FGF1: variants seen among roughly 807,000 people sequenced by gnomAD.
FGF1 encodes fibroblast growth factor 1.
In FGF1, 9 loss-of-function variants were observed where a neutral mutation model predicts 13.4. The ratio of observed to expected loss-of-function variants is 0.67; its 90% CI spans 0.40 to 1.17. The LOEUF (loss-of-function observed/expected upper bound fraction) is 1.17, where lower values mean the gene tolerates loss of function less well. Among genes scored for constraint, FGF1 ranks in the 50% most tolerant of loss-of-function variants. FGF1 has a pLI of 0.01. For missense variants in FGF1, 156 were observed against 192.7 expected, an observed-to-expected ratio of 0.81 and a Z score of 1.13; for synonymous variants, 93 against 79.0, an observed-to-expected ratio of 1.18 and a Z score of -0.94.
At chr5:142,629,968 A>G (rs1003584000) in intron 1 of FGF1, among the ~76,000 whole-genome samples, 1 of 148,356 alleles carries the variant, frequency 6.7e-6, no homozygotes, top group Admixed American at 6.8e-5. Context: ...ATCTCGGCTC[A>G]CTGTAAGCCC....
chr5:142,641,047 A>T (rs1765123484), intron 1 of FGF1, among the ~76,000 whole-genome samples: 1 of 152,042 alleles, frequency 6.6e-6, no homozygotes, highest in South Asian at 2.1e-4. Flanking sequence ...AAGAGTTTTG[A>T]TTGCAGGGAA....
At chr5:142,687,902 C>T (rs1751514956), upstream of FGF1, among the ~76,000 whole-genome samples, 1 of 152,154 alleles carries the variant, frequency 6.6e-6, no homozygotes. Flanking sequence ...GCTCCAGATT[C>T]CCCCCCTCCT....
intron 1 of FGF1, among the ~76,000 whole-genome samples, chr5:142,652,309 G>A (rs989437578): frequency 3.3e-5 from 5 of 152,160 alleles, no homozygotes; most frequent in East Asian, 3.8e-4. Context: ...TTGTAAGGTC[G>A]TAGTTCTTCT....
At chr5:142,677,262 T>C (rs1772792242) in intron 1 of FGF1, among the ~76,000 whole-genome samples, 1 of 152,176 alleles carries the variant, frequency 6.6e-6, no homozygotes, top group Non-Finnish European at 1.5e-5. Flanking sequence ...GCAAACTGCT[T>C]CCACTATTCC....
chr5:142,697,795 G>A (rs192690521), intron 1 of FGF1: 2 of 151,926 alleles, frequency 1.3e-5, no homozygotes, highest in African/African-American at 4.9e-5. Flanking sequence ...TGATTCCCCT[G>A]GAGCGAAGGC....
intron 1 of FGF1, among the ~76,000 whole-genome samples, chr5:142,665,282 C>T (rs1770081473): frequency 6.6e-6 from 1 of 152,108 alleles, no homozygotes; most frequent in Admixed American, 6.5e-5. Context: ...ACCCCTCACC[C>T]CTGCCCCTCG....
At chr5:142,669,633 G>A (rs1416247232) in intron 1 of FGF1, among the ~76,000 whole-genome samples, 1 of 151,990 alleles carries the variant, frequency 6.6e-6, no homozygotes, top group Admixed American at 6.6e-5. Context: ...CAGCCCATCT[G>A]GCAGGACGAC....
At position 142,612,800 on chromosome 5, in the gene FGF1, A is replaced by G. The variant is rs527887141; in HGVS notation, c.169+1159T>C. On this transcript the variant is annotated intron_variant, in intron 2 of 3. Coordinates refer to ENST00000337706, the MANE Select transcript of FGF1 (RefSeq NM_000800.5). ...TGCAGTGGGTGGGGAGGAAGGAACA[A>G]CGTCACCTCGTGTAAACGCCAGCAT... Among the ~76,000 whole-genome samples the G allele has an allele frequency of 1.3e-4, 20 of 152,186 alleles. No individual in the cohort carries two copies. In the South Asian group the frequency reaches 3.9e-3, roughly 30 times the overall value.
At chr5:142,637,936 G>A (rs1764556793) in intron 1 of FGF1, among the ~76,000 whole-genome samples, 1 of 152,060 alleles carries the variant, frequency 6.6e-6, no homozygotes, top group Admixed American at 6.5e-5. Context: ...ATGACTCTGT[G>A]GGGCTTGGTG....
rs2299016 is a variant in FGF1 at position 142,597,361 on chromosome 5, A to G, written c.274-1877T>C. Among the ~76,000 whole-genome samples the G allele has an allele frequency of 1.6e-4, 24 of 152,300 alleles. No individual in the cohort carries two copies. The East Asian group carries it at 4.6e-3, about 29-fold the overall frequency. On this transcript the variant is annotated intron_variant, in intron 3 of 3. Coordinates refer to ENST00000337706, the MANE Select transcript of FGF1 (RefSeq NM_000800.5). ...TAGGAGTAACCTATATGTCCATGGA[A>G]AGGTGATTGGTTAAGTGGGTAAAAG...
chr5:142,690,863 TC>T (rs1178999484), upstream of FGF1, among the ~76,000 whole-genome samples: 1 of 152,184 alleles, frequency 6.6e-6, no homozygotes, highest in Non-Finnish European at 1.5e-5. Flanking sequence ...CGTGCTCCAG[TC>T]ACCTGCTCCT....
chr5:142,672,121 CATAA>C (rs1389985570), intron 1 of FGF1: 9 of 152,004 alleles, frequency 5.9e-5, no homozygotes, highest in Non-Finnish European at 1.0e-4. Flanking sequence ...CATATATGTG[CATAA>C]ATAGATAGGT....
At chr5:142,647,085 G>A (rs1375547746) in intron 1 of FGF1, among the ~76,000 whole-genome samples, 1 of 152,158 alleles carries the variant, frequency 6.6e-6, no homozygotes, top group African/African-American at 2.4e-5. Context: ...AGAGGGAGGG[G>A]AAGGGTGGCA....
At chr5:142,630,206 T>C (rs1264921253) in intron 1 of FGF1, among the ~76,000 whole-genome samples, 2 of 152,108 alleles carry the variant, frequency 1.3e-5, no homozygotes, top group African/African-American at 4.8e-5. Flanking sequence ...ATATGATTTA[T>C]CTTGAGTGCT....
In FGF1 at chr5:142,671,109, T is replaced by C. The variant is rs17216846; in HGVS notation, c.-35+14848A>G. ...TCATTTAACCATCTATCATCTTCTT[T>C]TGACCCTTTGAACAGGCTCTGACAG... On this transcript the variant is annotated intron_variant, in intron 1 of 3. Coordinates refer to ENST00000337706, the MANE Select transcript of FGF1 (RefSeq NM_000800.5). 3.8e-3 allele frequency among the ~76,000 whole-genome samples: 580 copies of C among 152,348 alleles called. 6 individuals carry two copies. Among genetic ancestry groups the C allele is most frequent in the African/African-American group, 0.012 (514 of 41,584 alleles).
At chr5:142,615,455 C>T (rs927143866) in intron 1 of FGF1, among the ~76,000 whole-genome samples, 3 of 152,216 alleles carry the variant, frequency 2.0e-5, no homozygotes, top group African/African-American at 7.2e-5. Context: ...AACTCATGAC[C>T]TCGTGATCCG....
chr5:142,654,422 G>A lies in FGF1; in HGVS notation c.-35+31535C>T, dbSNP rs112748461. Among the ~76,000 whole-genome samples the A allele has an allele frequency of 4.9e-3, 739 of 152,298 alleles. 1 individual carries two copies. Among genetic ancestry groups the A allele is most frequent in the African/African-American group, 0.016 (664 of 41,564 alleles). On this transcript the variant is annotated intron_variant, in intron 1 of 3. Transcript: ENST00000337706. ...TTAAGAAGGCAAGTTCACTTATAAT[G>A]AACTGCTCGATAGTTCATTGAACTT...
intron 1 of FGF1, among the ~76,000 whole-genome samples, chr5:142,648,189 C>T (rs114059676): frequency 0.029 from 4,340 of 152,194 alleles, 191 homozygotes; most frequent in African/African-American, 0.099. Context: ...ACCAAGAGAA[C>T]AAGTGTCTTC....
intron 2 of FGF1, among the ~76,000 whole-genome samples, chr5:142,607,418 G>A (rs2151848058): frequency 6.6e-6 from 1 of 152,288 alleles, no homozygotes; most frequent in East Asian, 1.9e-4. Context: ...GGGATGAAGG[G>A]GCAAGTACTT....
Sources: allele counts gnomAD v4.1 joint callset (sites outside exome capture counted in the v4.1 genomes callset), GRCh38; gene constraint gnomAD v4.1.1; transcripts MANE v1.5; gene names NCBI Gene and HGNC (gene_info 2026-07-23, HGNC 2026-07-21).